The following FKBP5 variants were observed in gnomAD, a reference collection of about 807,000 sequenced individuals.
The protein encoded by FKBP5 is FKBP prolyl isomerase 5.
In FKBP5, 23 loss-of-function variants were observed where a neutral mutation model predicts 50.5. The ratio of observed to expected loss-of-function variants is 0.46; its 90% CI spans 0.33 to 0.65. The LOEUF is 0.65. Among genes scored for constraint, FKBP5 ranks in the 30% least tolerant of loss-of-function variants. The pLI, the probability that FKBP5 is intolerant of heterozygous loss-of-function variation, is 0.02. For missense variants in FKBP5, 411 were observed against 553.1 expected, an observed-to-expected ratio of 0.74 and a Z score of 2.58; for synonymous variants, 176 against 190.6, an observed-to-expected ratio of 0.92 and a Z score of 0.63.
At position 35,655,017 on chromosome 6, in the gene FKBP5, C is replaced by T. The variant is rs560777802; in HGVS notation, c.-19-12174G>A. 3.6e-4 allele frequency among the ~76,000 whole-genome samples: 55 copies of T among 152,088 alleles called. 1 individual carries two copies. In the East Asian group the frequency reaches 5.2e-3, roughly 14 times the overall value. On this transcript the variant is annotated intron_variant, in intron 1 of 10. Coordinates refer to ENST00000357266, the MANE Select transcript of FKBP5 (RefSeq NM_004117.4). ...CCTGAGTAACATAGTGAAACCCTGACTCTTCAAAAAAAAGTAGTTGTGGGC... is the reference window on the plus strand; with the variant it reads ...CCTGAGTAACATAGTGAAACCCTGATTCTTCAAAAAAAAGTAGTTGTGGGC...
chr6:35,665,876 T>G (rs1581865165), intron 1 of FKBP5, among the ~76,000 whole-genome samples: 1 of 152,312 alleles, frequency 6.6e-6, no homozygotes, highest in Middle Eastern at 3.4e-3. Context: ...CACTTTCAGT[T>G]TTCAATAAAT....
chr6:35,642,988 C>T, intron 1 of FKBP5, 145 bp from the exon 2 acceptor site: 3 of 589,922 alleles, frequency 5.1e-6, no homozygotes, highest in South Asian at 4.2e-5. Context: ...AAGGCATTTG[C>T]TATGAGCATG....
chr6:35,622,403 T>C (rs1004351704), intron 3 of FKBP5, among the ~76,000 whole-genome samples: 2 of 151,940 alleles, frequency 1.3e-5, no homozygotes, highest in Non-Finnish European at 2.9e-5. Context: ...TCCAGCTACT[T>C]TGGAGGTTAA....
intron 2 of FKBP5, among the ~76,000 whole-genome samples, chr6:35,697,146 G>A (rs1241193586): frequency 6.6e-6 from 1 of 152,140 alleles, no homozygotes; most frequent in East Asian, 1.9e-4. Context: ...GTATATATCA[G>A]CATTATTCAT....
intron 3 of FKBP5, among the ~76,000 whole-genome samples, chr6:35,626,246 A>G (rs1455207834): frequency 6.6e-6 from 1 of 152,204 alleles, no homozygotes; most frequent in Non-Finnish European, 1.5e-5. Context: ...TTTTATACGT[A>G]TGTAACTATA....
intron 3 of FKBP5, among the ~76,000 whole-genome samples, chr6:35,626,615 A>G (rs1375690081): frequency 1.3e-5 from 2 of 152,208 alleles, no homozygotes; most frequent in Non-Finnish European, 1.5e-5. Flanking sequence ...TTGCAAAACT[A>G]AAATTTTATA....
At chr6:35,588,149 C>T (rs990961585) in intron 7 of FKBP5, among the ~76,000 whole-genome samples, 12 of 151,876 alleles carry the variant, frequency 7.9e-5, no homozygotes, top group South Asian at 2.1e-4. Context: ...CCTCAGCCTC[C>T]GGAGTAGCTG....
At chr6:35,683,903 C>A (rs541239482) in intron 1 of FKBP5, among the ~76,000 whole-genome samples, 1 of 151,972 alleles carries the variant, frequency 6.6e-6, no homozygotes, top group African/African-American at 2.4e-5. Flanking sequence ...ACCAAAAATA[C>A]AAAAATTAGC....
At chr6:35,581,241 TTATA>T in intron 8 of FKBP5, 2 of 700,834 alleles carry the variant, frequency 2.9e-6, no homozygotes, top group Non-Finnish European at 3.5e-6. Context: ...GGTCTGTCAG[TTATA>T]TATAATATAT....
intron 1 of FKBP5, among the ~76,000 whole-genome samples, chr6:35,726,066 G>C (rs1766704303): frequency 6.6e-6 from 1 of 152,206 alleles, no homozygotes; most frequent in Admixed American, 6.5e-5. Flanking sequence ...AATGTAGGGT[G>C]CAGACAGCCC....
At chr6:35,641,426 T>TG (rs1477461586) in intron 2 of FKBP5, among the ~76,000 whole-genome samples, 1 of 152,176 alleles carries the variant, frequency 6.6e-6, no homozygotes, top group Non-Finnish European at 1.5e-5. Context: ...TGCAGTGCAG[T>TG]AGGTTTGTTT....
intron 1 of FKBP5, among the ~76,000 whole-genome samples, chr6:35,652,918 C>G (rs993345212): frequency 1.2e-4 from 18 of 152,118 alleles, no homozygotes; most frequent in African/African-American, 3.4e-4. Flanking sequence ...AAATTTCTCT[C>G]TTTTGTACTC....
At chr6:35,663,005 T>C (rs1463392895) in intron 1 of FKBP5, among the ~76,000 whole-genome samples, 2 of 152,126 alleles carry the variant, frequency 1.3e-5, no homozygotes, top group African/African-American at 2.4e-5. Context: ...AAGATGGCAG[T>C]GTCTGAGCTG....
At chr6:35,675,368 G>A (rs995998642) in intron 1 of FKBP5, among the ~76,000 whole-genome samples, 9 of 152,200 alleles carry the variant, frequency 5.9e-5, no homozygotes, top group Non-Finnish European at 1.0e-4. Context: ...TCAGGAGTTT[G>A]AGACCAGCCT....
chr6:35,677,954 C>A (rs748770727), intron 1 of FKBP5, among the ~76,000 whole-genome samples: 12 of 152,008 alleles, frequency 7.9e-5, no homozygotes, highest in Non-Finnish European at 1.6e-4. Flanking sequence ...GAGGCCTTCT[C>A]TGGAAGGGAA....
intron 5 of FKBP5, among the ~76,000 whole-genome samples, 193 bp downstream of exon 5, chr6:35,618,903 C>G (rs914866171): frequency 1.3e-5 from 2 of 152,102 alleles, no homozygotes; most frequent in Admixed American, 6.5e-5. Context: ...GCCATGCTGG[C>G]CAGGCTGGTC....
chr6:35,714,305 A>G (rs1477811953), intron 2 of FKBP5, among the ~76,000 whole-genome samples: 2 of 133,070 alleles, frequency 1.5e-5, no homozygotes, highest in Admixed American at 7.7e-5. Flanking sequence ...TACAAAAATT[A>G]GCCGGGCGTG....
intron 5 of FKBP5, among the ~76,000 whole-genome samples, chr6:35,605,859 T>C (rs749195318): frequency 3.9e-5 from 6 of 152,184 alleles, no homozygotes; most frequent in Non-Finnish European, 2.9e-5. Context: ...GAGAAAGAAA[T>C]AAAAGGCATC....
chr6:35,584,640 C>T, intron 8 of FKBP5: 1 of 985,386 alleles, frequency 1.0e-6, no homozygotes, highest in Non-Finnish European at 1.2e-6. Context: ...GGATCTTTTA[C>T]CTATAATTAT....
Sources: allele counts gnomAD v4.1 joint callset (sites outside exome capture counted in the v4.1 genomes callset), GRCh38; gene constraint gnomAD v4.1.1; transcripts MANE v1.5; gene names NCBI Gene and HGNC (gene_info 2026-07-23, HGNC 2026-07-21).